CEBPZOS: variants seen among roughly 807,000 people sequenced by gnomAD.
The protein encoded by CEBPZOS is CEBPZ opposite strand, also known as protein CEBPZOS.
A neutral mutation model predicts 4.8 loss-of-function variants in CEBPZOS; 10 were observed. The observed-to-expected ratio is 2.07, with a 90% CI of 1.28 to 3.52. CEBPZOS has a LOEUF of 3.52. Among genes scored for constraint, CEBPZOS ranks in the 30% most tolerant of loss-of-function variants. The probability of loss-of-function intolerance (pLI) is 0.00; values close to 1 mark genes in which losing one functional copy is unlikely to be tolerated. For missense variants in CEBPZOS, 98 were observed against 43.6 expected, an observed-to-expected ratio of 2.25 and a Z score of -3.51; for synonymous variants, 25 against 14.2, an observed-to-expected ratio of 1.77 and a Z score of -1.72.
chr2:37,201,600 C>T (rs2540973), intron 3 of CEBPZOS, 42 bp from the exon 4 acceptor site: 470,007 of 671,230 alleles, frequency 0.7, 167,759 homozygotes, highest in East Asian at 0.98. Context: ...TTTAACAATG[C>T]TTCCACATGA....
intron 4 of CEBPZOS, chr2:37,212,606 C>G: frequency 1.9e-6 from 1 of 538,370 alleles, no homozygotes; most frequent in South Asian, 2.7e-5. Flanking sequence ...AAAGAAGGAT[C>G]CAGTTAATTT....
intron 4 of CEBPZOS, chr2:37,211,930 T>C: frequency 6.2e-7 from 1 of 1,613,722 alleles, no homozygotes; most frequent in Non-Finnish European, 8.5e-7. Flanking sequence ...TCATCCATAC[T>C]TCCTAAAGAA....
At chr2:37,200,301 A>G (rs1232858339) in intron 2 of CEBPZOS, among the ~76,000 whole-genome samples, 3 of 152,180 alleles carry the variant, frequency 2.0e-5, no homozygotes, top group Non-Finnish European at 4.4e-5. Flanking sequence ...GGGAAATTTT[A>G]TATTAGAGCT....
At position 37,201,112 on chromosome 2, in the gene CEBPZOS, AAAAT is replaced by A; in HGVS notation, c.160+23_160+26del. ...TGGAAGGTATGTTTTTCCTTAAGTA[AAAAT>A]AAGTATAAAACAACTTCTTCAGGTA... On this transcript the variant is annotated intron_variant, in intron 3 of 4. Coordinates refer to ENST00000402297, the MANE Select transcript of CEBPZOS (RefSeq NM_001322374.2). 1 of 712,760 alleles carries A rather than the reference AAAAT, an allele frequency of 1.4e-6. No homozygotes were observed. Among genetic ancestry groups the A allele is most frequent in the East Asian group, 2.7e-5 (1 of 37,188 alleles). 44.2% of individuals were successfully genotyped at this position (712,760 alleles called of 1,614,324 possible).
Position 37,203,717 on chromosome 2 carries a change from T to C in CEBPZOS, c.*1857T>C, listed in dbSNP as rs779379094. On this transcript the variant is annotated 3_prime_UTR_variant, in exon 5 of 5. Transcript: ENST00000402297. ...CAACTTCAAAGATCCCTGGTGCCATTTGTAGTCCTCCAACCCATCTCCGAT... is the reference window on the plus strand; with the variant it reads ...CAACTTCAAAGATCCCTGGTGCCATCTGTAGTCCTCCAACCCATCTCCGAT... The C allele has an allele frequency of 2.6e-5, 4 of 152,244 alleles. No individual in the cohort carries two copies. The highest frequency in any genetic ancestry group is 9.6e-5 in the African/African-American group (4 of 41,466). The allele number at this position is 152,244 out of a possible 1,614,324, so 9.4% of individuals were successfully genotyped here. A position where few individuals can be genotyped will look rare whatever the true frequency, so the allele number is the denominator to read the frequency against.
downstream of CEBPZOS, among the ~76,000 whole-genome samples, chr2:37,215,820 T>A (rs1173032859): frequency 6.6e-6 from 1 of 152,060 alleles, no homozygotes. Flanking sequence ...ATTATATACA[T>A]AGGGGTTGTG....
downstream of CEBPZOS, among the ~76,000 whole-genome samples, chr2:37,206,878 C>G (rs932883378): frequency 8.5e-5 from 13 of 152,096 alleles, no homozygotes; most frequent in African/African-American, 2.9e-4. Context: ...ATTTGGACCA[C>G]CAACCAAGAA....
chr2:37,199,698 A>G lies in CEBPZOS; in HGVS notation c.-1-6A>G. Reference sequence around the variant, plus strand: ...CAGGTTTACACATATCTGTTGTTAAATTTAGGATGGCCCGTACTTTGGAAC... The same window carrying G: ...CAGGTTTACACATATCTGTTGTTAAGTTTAGGATGGCCCGTACTTTGGAAC... On this transcript the variant is annotated splice_polypyrimidine_tract_variant and splice_region_variant and intron_variant, in intron 1 of 4. Coordinates refer to ENST00000402297, the MANE Select transcript of CEBPZOS (RefSeq NM_001322374.2). 1.4e-6 allele frequency: 1 copy of G among 716,202 alleles called. No homozygotes were observed. The highest frequency in any genetic ancestry group is 1.5e-5 in the South Asian group (1 of 67,482). The allele number at this position is 716,202 out of a possible 1,614,324, so 44.4% of individuals were successfully genotyped here.
intron 1 of CEBPZOS, among the ~76,000 whole-genome samples, chr2:37,197,839 C>T (rs1677022668): frequency 6.6e-6 from 1 of 151,784 alleles, no homozygotes; most frequent in Non-Finnish European, 1.5e-5. Flanking sequence ...GCACTCCTGC[C>T]TGGGAGACAG....
At chr2:37,210,933 C>G in intron 4 of CEBPZOS, 1 of 1,183,046 alleles carries the variant, frequency 8.5e-7, no homozygotes, top group Non-Finnish European at 1.2e-6. Context: ...AGTTCATTTC[C>G]CAAAATGATA....
chr2:37,207,639 T>C (rs991002243), downstream of CEBPZOS, among the ~76,000 whole-genome samples: 1 of 152,188 alleles, frequency 6.6e-6, no homozygotes, highest in African/African-American at 2.4e-5. Flanking sequence ...ACCTCTGGGA[T>C]ACAGCAAAAG....
At chr2:37,208,837 G>A (rs1349207542), downstream of CEBPZOS, 4 of 152,088 alleles carry the variant, frequency 2.6e-5, no homozygotes, top group Non-Finnish European at 5.9e-5. Context: ...TCAGTAAAGA[G>A]GAAGTCAAAC....
At chr2:37,201,277 C>T (rs79475241) in intron 3 of CEBPZOS, 185 bp downstream of exon 3, 12,023 of 557,668 alleles carry the variant, frequency 0.022, 196 homozygotes, top group Admixed American at 0.048. Flanking sequence ...ATTCTGAATT[C>T]TTCTAGTGGT....
chr2:37,199,840 A>G, intron 2 of CEBPZOS, 21 bp downstream of exon 2: 1 of 716,148 alleles, frequency 1.4e-6, no homozygotes, highest in Non-Finnish European at 2.6e-6. Context: ...TTCAGAAGTT[A>G]ATGCTTTCTA....
intron 4 of CEBPZOS, chr2:37,212,086 A>G: frequency 6.6e-7 from 1 of 1,513,792 alleles, no homozygotes. Flanking sequence ...AGTATTTTCT[A>G]AAGTAGTGTT....
chr2:37,203,273 AC>A lies in CEBPZOS; in HGVS notation c.*1416del, dbSNP rs538561269. 4.3e-3 allele frequency: 1,107 copies of A among 256,428 alleles called. 4 individuals carry two copies. Among genetic ancestry groups the A allele is most frequent in the Non-Finnish European group, 5.8e-3 (793 of 136,670 alleles). The allele number at this position is 256,428 out of a possible 1,614,324, so 15.9% of individuals were successfully genotyped here. A position where few individuals can be genotyped will look rare whatever the true frequency, so the allele number is the denominator to read the frequency against. On this transcript the variant is annotated 3_prime_UTR_variant, in exon 5 of 5. Coordinates refer to ENST00000402297, the MANE Select transcript of CEBPZOS (RefSeq NM_001322374.2). ...AGATTTGGCCACTGATCGAAGTTTTACCCATAAGGGAAATAACATAGTATCA... is the reference window on the plus strand; with the variant it reads ...AGATTTGGCCACTGATCGAAGTTTTACCATAAGGGAAATAACATAGTATCA...
chr2:37,206,432 AC>A (rs1369397888), downstream of CEBPZOS, among the ~76,000 whole-genome samples: 14 of 152,254 alleles, frequency 9.2e-5, no homozygotes, highest in African/African-American at 3.4e-4. Flanking sequence ...ATCTTGGCTC[AC>A]TGCGACCTCT....
downstream of CEBPZOS, among the ~76,000 whole-genome samples, chr2:37,206,670 C>G (rs891199984): frequency 1.3e-5 from 2 of 152,130 alleles, no homozygotes; most frequent in Middle Eastern, 3.2e-3. Context: ...AATTCTAAAT[C>G]TTGAAACAAA....
At chr2:37,215,073 G>A, downstream of CEBPZOS, 1 of 677,002 alleles carries the variant, frequency 1.5e-6, no homozygotes, top group Non-Finnish European at 2.6e-6. Context: ...GTGTGGGAAG[G>A]TAGACAGAAG....
Sources: allele counts gnomAD v4.1 joint callset (sites outside exome capture counted in the v4.1 genomes callset), GRCh38; gene constraint gnomAD v4.1.1; transcripts MANE v1.5; gene names NCBI Gene and HGNC (gene_info 2026-07-23, HGNC 2026-07-21).